FAM171A1: variants seen among roughly 807,000 people sequenced by gnomAD.
The protein encoded by FAM171A1 is protein FAM171A1.
In FAM171A1, 23 loss-of-function variants were observed where a neutral mutation model predicts 74.9. The ratio of observed to expected loss-of-function variants is 0.31; its 90% confidence interval spans 0.22 to 0.44. The LOEUF is 0.44. Among genes scored for constraint, FAM171A1 ranks in the 20% least tolerant of loss-of-function variants. The pLI is 1.00. For missense variants in FAM171A1, 1,162 were observed against 1,159.2 expected (o/e 1.00, Z -0.03); for synonymous variants, 527 against 505.7 (o/e 1.04, Z -0.57).
intron 5 of FAM171A1, among the ~76,000 whole-genome samples, chr10:15,237,869 T>C (rs1834314228): frequency 6.6e-6 from 1 of 152,186 alleles, no homozygotes; most frequent in Non-Finnish European, 1.5e-5. Context: ...TCCTGAGAGT[T>C]ATTTCTTTAT....
At chr10:15,372,066 G>A (rs555918746), upstream of FAM171A1, among the ~76,000 whole-genome samples, 1 of 152,140 alleles carries the variant, frequency 6.6e-6, no homozygotes, top group Non-Finnish European at 1.5e-5. Context: ...AGGACAGGGC[G>A]GATGGGGAAG....
chr10:15,269,203 T>G (rs146548987), intron 3 of FAM171A1, among the ~76,000 whole-genome samples: 1 of 152,134 alleles, frequency 6.6e-6, no homozygotes, highest in Non-Finnish European at 1.5e-5. Context: ...AGCCTCGACC[T>G]CCTGGGCTCA....
intron 1 of FAM171A1, among the ~76,000 whole-genome samples, chr10:15,286,300 G>T (rs1238587721): frequency 6.6e-6 from 1 of 152,170 alleles, no homozygotes; most frequent in Non-Finnish European, 1.5e-5. Flanking sequence ...TGTTTGTTTA[G>T]ATGGAGTTTC....
chr10:15,302,289 C>T (rs1374752649), intron 1 of FAM171A1, among the ~76,000 whole-genome samples: 4 of 151,884 alleles, frequency 2.6e-5, no homozygotes, highest in Non-Finnish European at 5.9e-5. Flanking sequence ...CATGGTGAAA[C>T]CCGTCTCTAC....
intron 1 of FAM171A1, among the ~76,000 whole-genome samples, chr10:15,325,248 C>T (rs1798541900): frequency 1.3e-5 from 2 of 152,178 alleles, no homozygotes; most frequent in South Asian, 4.1e-4. Context: ...GTAATTCCAG[C>T]ACTTTGGCAG....
intron 1 of FAM171A1, 90 bp downstream of exon 1, chr10:15,370,866 G>T (rs1179531361): frequency 1.8e-6 from 1 of 550,276 alleles, no homozygotes; most frequent in Non-Finnish European, 2.3e-6. Context: ...CACGCGGCCC[G>T]GGACCCTCCC....
intron 1 of FAM171A1, among the ~76,000 whole-genome samples, chr10:15,356,019 T>C (rs1181333472): frequency 3.3e-5 from 5 of 152,044 alleles, no homozygotes; most frequent in African/African-American, 1.2e-4. Context: ...CATTTGATCA[T>C]TTGATGGGCT....
At chr10:15,275,800 CAAT>C in intron 3 of FAM171A1, 52 bp downstream of exon 3, 1 of 1,192,202 alleles carries the variant, frequency 8.4e-7, no homozygotes. Context: ...TAAATGTATA[CAAT>C]AATGTATCCA....
At position 15,213,495 on chromosome 10, in the gene FAM171A1, C is replaced by A. The variant is rs973227431; in HGVS notation, c.2093G>T (p.Gly698Val). The change falls in exon 8 of 8, where the codon GGT becomes GTT. Residue 698 changes from glycine (G) to valine (V), a missense_variant. Gly to Val is a moderately radical substitution (Grantham distance 109). Transcript: ENST00000378116. This position sits in a 1 kb window ranked among gnomAD's most constrained non-coding sequence, Gnocchi z 6.8. ...CCGGGGGTGCGGAAGCGGCTTCCCA[C>A]CCCCAAGCTCCATCAGGGCCTTTTC... is the stretch of plus-strand genomic sequence containing the variant. ...LTEKALMELGGGKPLPHPRAW... is the reference protein window; with the variant it reads ...LTEKALMELGVGKPLPHPRAW... The A allele has an allele frequency of 5.6e-6, 9 of 1,613,972 alleles. No individual in the cohort carries two copies. The highest frequency in any genetic ancestry group is 5.5e-5 in the South Asian group (5 of 91,086).
intron 1 of FAM171A1, among the ~76,000 whole-genome samples, chr10:15,290,104 T>C (rs1163832167): frequency 1.3e-5 from 2 of 152,074 alleles, no homozygotes; most frequent in African/African-American, 2.4e-5. Flanking sequence ...AGTACACGCT[T>C]GTAGTCTCAG....
At chr10:15,336,373 C>T (rs893905160) in intron 1 of FAM171A1, among the ~76,000 whole-genome samples, 1 of 151,598 alleles carries the variant, frequency 6.6e-6, no homozygotes, top group African/African-American at 2.4e-5. Context: ...ATATATTTGC[C>T]CTCTACATGT....
chr10:15,301,838 C>T (rs568826648), intron 1 of FAM171A1, among the ~76,000 whole-genome samples: 30 of 152,284 alleles, frequency 2.0e-4, no homozygotes, highest in Middle Eastern at 3.4e-3. Flanking sequence ...TCATTAGCTT[C>T]CAAGCTCAAC....
At chr10:15,312,058 T>C (rs142213523) in intron 1 of FAM171A1, among the ~76,000 whole-genome samples, 124 of 152,352 alleles carry the variant, frequency 8.1e-4, no homozygotes, top group African/African-American at 2.6e-3. Flanking sequence ...GGCACACAGC[T>C]GCCACCCAGC....
chr10:15,240,009 C>A (rs939128262), intron 5 of FAM171A1, among the ~76,000 whole-genome samples: 13 of 152,190 alleles, frequency 8.5e-5, no homozygotes, highest in Non-Finnish European at 1.8e-4. Flanking sequence ...CATTTCAAAC[C>A]TTGGATTTTT....
chr10:15,313,697 T>C (rs1451975166), intron 1 of FAM171A1, among the ~76,000 whole-genome samples: 1 of 152,126 alleles, frequency 6.6e-6, no homozygotes, highest in Non-Finnish European at 1.5e-5. Flanking sequence ...TGAAGGTGCA[T>C]ACATAAACAT....
intron 1 of FAM171A1, among the ~76,000 whole-genome samples, chr10:15,341,107 CA>C (rs1243346698): frequency 6.6e-6 from 1 of 152,200 alleles, no homozygotes; most frequent in East Asian, 1.9e-4. Context: ...AAGACGTTTA[CA>C]ATTTAGGGTT....
At chr10:15,243,296 G>A (rs988864845) in intron 5 of FAM171A1, among the ~76,000 whole-genome samples, 3 of 152,038 alleles carry the variant, frequency 2.0e-5, no homozygotes, top group East Asian at 1.9e-4. Flanking sequence ...TGTGATGGCC[G>A]TGGGCCCACC....
At chr10:15,267,907 G>A (rs1425094740) in intron 3 of FAM171A1, among the ~76,000 whole-genome samples, 1 of 151,966 alleles carries the variant, frequency 6.6e-6, no homozygotes, top group East Asian at 1.9e-4. Context: ...CCCCAAGAGT[G>A]AGGGACAGTA....
At chr10:15,241,082 A>C (rs1834359110) in intron 5 of FAM171A1, 1 of 152,242 alleles carries the variant, frequency 6.6e-6, no homozygotes, top group South Asian at 2.1e-4. Flanking sequence ...AAAAACTACC[A>C]TGTGATTGTA....
Sources: gnomAD v4.1 joint callset for allele counts (sites outside exome capture counted in the v4.1 genomes callset) on GRCh38, gnomAD v4.1.1 for gene constraint, Gnocchi (gnomAD v3.1) non-coding constraint, MANE v1.5 for transcripts, NCBI Gene and HGNC (gene_info 2026-07-23, HGNC 2026-07-21) for gene names.